CUX2: variants seen among roughly 807,000 people sequenced by gnomAD.
CUX2 encodes the protein cut like homeobox 2, also known as homeobox protein cut-like 2.
Under a neutral mutation model 144.8 loss-of-function variants are expected in CUX2, and 40 were observed. The ratio of observed to expected loss-of-function variants is 0.28; its 90% confidence interval spans 0.21 to 0.36. The LOEUF is 0.36. CUX2 is among the 10% of genes least tolerant of loss of function. The pLI, the probability that CUX2 is intolerant of heterozygous loss-of-function variation, is 1.00. For synonymous variants in CUX2, 827 were observed against 875.6 expected, an observed-to-expected ratio of 0.94 and a Z score of 0.98; for missense variants, 1,615 against 1,994.0, an observed-to-expected ratio of 0.81 and a Z score of 3.62.
In CUX2 at chr12:111,147,984, A is replaced by G. The variant is rs1194864004; in HGVS notation, c.64-66216A>G. On this transcript the variant is annotated intron_variant, in intron 1 of 21. Transcript: ENST00000261726. ...TGCAGCCACTATGGGAGACAGTATG[A>G]CAATTTCTTAAAAACTTAAAACTAG... Among the ~76,000 whole-genome samples the G allele has an allele frequency of 4.6e-5, 7 of 152,310 alleles. No homozygotes were observed. In the East Asian group the frequency reaches 1.3e-3, roughly 29 times the overall value.
chr12:111,108,519 T>C lies in CUX2; in HGVS notation c.63+74279T>C, dbSNP rs111293675. On this transcript the variant is annotated intron_variant, in intron 1 of 21. Coordinates refer to ENST00000261726, the MANE Select transcript of CUX2 (RefSeq NM_015267.4). Reference sequence around the variant, plus strand: ...ACATTTATTAATTGAAGAGCTTTTTTCCTTCTTCCCCATTTATTTATCTAT... The same window carrying C: ...ACATTTATTAATTGAAGAGCTTTTTCCCTTCTTCCCCATTTATTTATCTAT... 9.7e-3 allele frequency among the ~76,000 whole-genome samples: 1,472 copies of C among 152,306 alleles called. 29 individuals are homozygous for C. Among genetic ancestry groups the C allele is most frequent in the African/African-American group, 0.034 (1,412 of 41,556 alleles).
intron 3 of CUX2, among the ~76,000 whole-genome samples, chr12:111,228,590 A>G (rs1298849699): frequency 1.3e-5 from 2 of 151,916 alleles, no homozygotes; most frequent in Non-Finnish European, 2.9e-5. Flanking sequence ...TGCCTGGTTA[A>G]TTTTTTTATT....
At chr12:111,072,291 C>T (rs1040377976) in intron 1 of CUX2, among the ~76,000 whole-genome samples, 63 of 152,296 alleles carry the variant, frequency 4.1e-4, no homozygotes, top group Middle Eastern at 6.8e-3. Context: ...TGATTTTATT[C>T]GTCAGAGTTT....
At chr12:111,181,457 A>G (rs1157199749) in intron 1 of CUX2, among the ~76,000 whole-genome samples, 1 of 152,234 alleles carries the variant, frequency 6.6e-6, no homozygotes, top group African/African-American at 2.4e-5. Flanking sequence ...TTATTGATCA[A>G]TACCCTCAAA....
At chr12:111,296,704 G>A (rs546259786) in intron 8 of CUX2, among the ~76,000 whole-genome samples, 165 bp downstream of exon 8, 3 of 132,132 alleles carry the variant, frequency 2.3e-5, no homozygotes, top group African/African-American at 2.9e-5. Flanking sequence ...TCCCAGACAC[G>A]CCTCCACCCT....
chr12:111,080,186 GT>G (rs1871802160), intron 1 of CUX2, among the ~76,000 whole-genome samples: 2 of 152,158 alleles, frequency 1.3e-5, no homozygotes, highest in African/African-American at 4.8e-5. Context: ...GCTCTGTCTG[GT>G]GGTCTTTCAG....
At chr12:111,108,141 G>A (rs985613710) in intron 1 of CUX2, among the ~76,000 whole-genome samples, 1 of 152,128 alleles carries the variant, frequency 6.6e-6, no homozygotes, top group Non-Finnish European at 1.5e-5. Context: ...CTTGAAGAAT[G>A]TCCCTCCATT....
intron 1 of CUX2, among the ~76,000 whole-genome samples, chr12:111,181,801 AC>A (rs1163272428): frequency 2.6e-5 from 4 of 152,238 alleles, no homozygotes; most frequent in Non-Finnish European, 4.4e-5. Flanking sequence ...TCAGATGTCT[AC>A]TGTTGATTGC....
chr12:111,250,788 G>A (rs914293611), intron 3 of CUX2, among the ~76,000 whole-genome samples: 2 of 152,260 alleles, frequency 1.3e-5, no homozygotes, highest in African/African-American at 2.4e-5. Context: ...GCCAAGCAGC[G>A]TGGGGCCATG....
At chr12:111,076,932 G>T (rs1375332709) in intron 1 of CUX2, among the ~76,000 whole-genome samples, 1 of 152,206 alleles carries the variant, frequency 6.6e-6, no homozygotes, top group Non-Finnish European at 1.5e-5. Context: ...AGGTCAAAGA[G>T]TCGAGAAGTT....
chr12:111,254,320 C>T (rs4766453), intron 3 of CUX2, among the ~76,000 whole-genome samples: 41,011 of 152,036 alleles, frequency 0.27, 5,775 homozygotes, highest in South Asian at 0.46. Context: ...GGCTTGATTC[C>T]CTGGGCATGC....
Position 111,347,603 on chromosome 12 carries a change from C to T in CUX2, c.3739C>T (p.Leu1247=). The T allele has an allele frequency of 6.2e-7, 1 of 1,613,756 alleles. No individual in the cohort carries two copies. Among genetic ancestry groups the T allele is most frequent in the East Asian group, 2.2e-5 (1 of 44,870 alleles). The part of the protein sequence containing the change: ...DLDPSGGPGI[L]PPGHSHPDPT... Reference sequence around the variant, plus strand: ...TGATCCAAGCGGGGGTCCTGGAATCCTACCGCCAGGCCACTCCCACCCAGA... The same window carrying T: ...TGATCCAAGCGGGGGTCCTGGAATCTTACCGCCAGGCCACTCCCACCCAGA... Residue 1247 remains leucine, a synonymous_variant, in exon 22 of 22, where the codon CTA becomes TTA. Coordinates refer to ENST00000261726, the MANE Select transcript of CUX2 (RefSeq NM_015267.4).
chr12:111,213,303 C>T (rs1223987963), intron 1 of CUX2, among the ~76,000 whole-genome samples: 3 of 152,202 alleles, frequency 2.0e-5, no homozygotes, highest in Non-Finnish European at 2.9e-5. Flanking sequence ...CATGACAACT[C>T]ATGGTGAATT....
intron 1 of CUX2, among the ~76,000 whole-genome samples, chr12:111,050,793 A>G (rs1870226345): frequency 6.6e-6 from 1 of 152,230 alleles, no homozygotes; most frequent in African/African-American, 2.4e-5. Context: ...TTTTGACCAC[A>G]GCAGCAAGTG....
chr12:111,270,926 G>A lies in CUX2; in HGVS notation c.301+7087G>A, dbSNP rs61944362. Among the ~76,000 whole-genome samples, 205 of 152,226 alleles carry A rather than the reference G, an allele frequency of 1.3e-3. 1 individual carries two copies. The highest frequency in any genetic ancestry group is 2.3e-3 in the Non-Finnish European group (157 of 68,008). On this transcript the variant is annotated intron_variant, in intron 4 of 21. Transcript: ENST00000261726. Reference sequence around the variant, plus strand: ...TTTTGTGCTGTGTGACCTTGGCCAGGGGCTTTAACCTCTCTGAGCTCTGGT... The same window carrying A: ...TTTTGTGCTGTGTGACCTTGGCCAGAGGCTTTAACCTCTCTGAGCTCTGGT...
intron 4 of CUX2, among the ~76,000 whole-genome samples, chr12:111,278,133 C>T (rs1018316488): frequency 2.0e-5 from 3 of 152,290 alleles, no homozygotes; most frequent in East Asian, 1.9e-4. Context: ...ATAACACTCA[C>T]GGGCAGGACG....
intron 1 of CUX2, among the ~76,000 whole-genome samples, chr12:111,151,393 G>A (rs1877042041): frequency 6.6e-6 from 1 of 152,224 alleles, no homozygotes; most frequent in Non-Finnish European, 1.5e-5. Flanking sequence ...TAAGCCATAT[G>A]CACTACTTTC....
At position 111,293,595 on chromosome 12, in the gene CUX2, G is replaced by A. The variant is rs1327072198; in HGVS notation, c.560+26G>A. On this transcript the variant is annotated intron_variant, in intron 6 of 21. Transcript: ENST00000261726. This position sits in a 1 kb window ranked among gnomAD's most constrained non-coding sequence, Gnocchi z 4.5. ...GTGAGGAAGGGAAGGTGGGTGGGAG[G>A]GAGGAAGGAATGGGCAGGGCTCCTG... 4 of 1,557,160 alleles carry A rather than the reference G, an allele frequency of 2.6e-6. No individual in the cohort carries two copies. The African/African-American group carries it at 5.4e-5, about 21-fold the overall frequency.
In CUX2 at chr12:111,306,969, C is replaced by G. The variant is rs1223777677; in HGVS notation, c.907C>G (p.Leu303Val). The G allele has an allele frequency of 1.2e-6, 2 of 1,613,476 alleles. No individual in the cohort carries two copies. Among genetic ancestry groups the G allele is most frequent in the Non-Finnish European group, 1.7e-6 (2 of 1,179,706 alleles). Residue 303 changes from leucine to valine, a missense_variant, in exon 11 of 22, where the codon CTG becomes GTG. Physicochemically the swap from Leu to Val is conservative, Grantham distance 32 (BLOSUM62 1). Coordinates refer to ENST00000261726, the MANE Select transcript of CUX2 (RefSeq NM_015267.4). ...CTCGGGCCCTCGGCTGGAGGCCGCGCTGGCCTCCAAGGACAGGGAGATCCT... is the reference window on the plus strand; with the variant it reads ...CTCGGGCCCTCGGCTGGAGGCCGCGGTGGCCTCCAAGGACAGGGAGATCCT... ...LCSGPRLEAA[L>V]ASKDREILRL...
Sources: allele counts gnomAD v4.1 joint callset (sites outside exome capture counted in the v4.1 genomes callset), GRCh38; gene constraint gnomAD v4.1.1; non-coding constraint Gnocchi (gnomAD v3.1); transcripts MANE v1.5; gene names NCBI Gene and HGNC (gene_info 2026-07-23, HGNC 2026-07-21).